CDH18: variants seen among roughly 807,000 people sequenced by gnomAD.
CDH18 encodes the protein cadherin-18.
A neutral mutation model predicts 67.9 loss-of-function variants in CDH18; 31 were observed. That is an observed-to-expected ratio of 0.46 (90% confidence interval 0.34 to 0.62). CDH18 has a LOEUF of 0.62. Among genes scored for constraint, CDH18 ranks in the 20% least tolerant of loss-of-function variants. The pLI is 0.01. For synonymous variants in CDH18, 362 were observed against 347.2 expected, an observed-to-expected ratio of 1.04 and a Z score of -0.48; for missense variants, 890 against 975.5, an observed-to-expected ratio of 0.91 and a Z score of 1.17.
intron 2 of CDH18, among the ~76,000 whole-genome samples, chr5:20,238,296 C>T (rs902940095): frequency 2.6e-5 from 4 of 151,822 alleles, no homozygotes; most frequent in African/African-American, 7.3e-5. Flanking sequence ...TCAAACAGCA[C>T]GTGATAAACT....
At chr5:20,281,936 G>T (rs1365416177) in intron 1 of CDH18, among the ~76,000 whole-genome samples, 1 of 152,080 alleles carries the variant, frequency 6.6e-6, no homozygotes, top group Non-Finnish European at 1.5e-5. Flanking sequence ...TGCATCCCTT[G>T]TAAGTTGGAT....
At position 19,571,839 on chromosome 5, in the gene CDH18, G is replaced by T; in HGVS notation, c.1000-7C>A. ...TTTTCTCATAGTTCAGTGGCTGTGG[G>T]GAAAAAAAATAAGATTATGACTTTT... On this transcript the variant is annotated splice_polypyrimidine_tract_variant and splice_region_variant and intron_variant, in intron 7 of 12. Transcript: ENST00000382275. 1 of 1,588,236 alleles carries T rather than the reference G, an allele frequency of 6.3e-7. No homozygotes were observed. The highest frequency in any genetic ancestry group is 1.8e-5 in the Admixed American group (1 of 56,798).
intron 1 of CDH18, among the ~76,000 whole-genome samples, chr5:19,981,524 G>A (rs1488190714): frequency 6.6e-6 from 1 of 152,130 alleles, no homozygotes; most frequent in African/African-American, 2.4e-5. Flanking sequence ...TTCATGTTGT[G>A]GCAAGAGGAA....
intron 9 of CDH18, among the ~76,000 whole-genome samples, chr5:19,540,405 G>A (rs1018608155): frequency 1.3e-5 from 2 of 151,988 alleles, no homozygotes; most frequent in African/African-American, 4.8e-5. Flanking sequence ...ACCATTCTGG[G>A]GTCTGGAGGA....
Position 19,859,411 on chromosome 5 carries a change from C to A in CDH18, c.-256-20169G>T, listed in dbSNP as rs79384590. ...AAGTATTTCACCCCCAAATATATTTCTATGACATATTCTGAAATAACCCTG... is the reference window on the plus strand; with the variant it reads ...AAGTATTTCACCCCCAAATATATTTATATGACATATTCTGAAATAACCCTG... On this transcript the variant is annotated intron_variant, in intron 2 of 12. Transcript: ENST00000382275. Among the ~76,000 whole-genome samples, 33 of 152,226 alleles carry A rather than the reference C, an allele frequency of 2.2e-4. No homozygotes were observed. In the East Asian group the frequency reaches 5.4e-3, roughly 25 times the overall value.
chr5:20,263,507 A>T (rs944892209), intron 1 of CDH18, among the ~76,000 whole-genome samples: 1 of 152,162 alleles, frequency 6.6e-6, no homozygotes, highest in Non-Finnish European at 1.5e-5. Flanking sequence ...TCCTGATGAG[A>T]TTATTGATAT....
intron 2 of CDH18, among the ~76,000 whole-genome samples, chr5:20,094,729 T>C (rs1479904226): frequency 6.6e-6 from 1 of 152,128 alleles, no homozygotes; most frequent in Non-Finnish European, 1.5e-5. Flanking sequence ...GTAGCAATTG[T>C]GAATGAAGAC....
chr5:19,735,439 C>T (rs1258484924), intron 4 of CDH18, among the ~76,000 whole-genome samples: 3 of 149,228 alleles, frequency 2.0e-5, no homozygotes, highest in South Asian at 4.2e-4. Context: ...CTCTGTCGCC[C>T]AGGCTGGAAT....
chr5:20,405,645 C>T (rs929567609), intron 1 of CDH18, among the ~76,000 whole-genome samples: 4 of 152,070 alleles, frequency 2.6e-5, no homozygotes, highest in East Asian at 1.9e-4. Context: ...TCAGAGTGAA[C>T]AGGCAACCTA....
chr5:19,615,548 T>TC (rs1749689321), intron 5 of CDH18, among the ~76,000 whole-genome samples: 1 of 152,130 alleles, frequency 6.6e-6, no homozygotes, highest in Non-Finnish European at 1.5e-5. Flanking sequence ...CATTGACACA[T>TC]CATTACTCTC....
intron 2 of CDH18, among the ~76,000 whole-genome samples, chr5:20,117,082 C>T (rs895775601): frequency 5.9e-5 from 9 of 151,640 alleles, no homozygotes; most frequent in African/African-American, 2.2e-4. Flanking sequence ...TAGCATGGTA[C>T]CATTGAAGAG....
intron 2 of CDH18, among the ~76,000 whole-genome samples, chr5:19,967,764 C>T (rs1335715347): frequency 1.3e-5 from 2 of 152,166 alleles, no homozygotes; most frequent in South Asian, 2.1e-4. Context: ...GGAAGCATTC[C>T]TTTTGAAAAC....
At chr5:19,779,111 T>C (rs1026519192) in intron 3 of CDH18, among the ~76,000 whole-genome samples, 4 of 152,114 alleles carry the variant, frequency 2.6e-5, no homozygotes, top group African/African-American at 9.7e-5. Flanking sequence ...ATACATGAGG[T>C]AGATACTATG....
At chr5:20,220,570 A>G (rs1462357304) in intron 2 of CDH18, among the ~76,000 whole-genome samples, 1 of 152,020 alleles carries the variant, frequency 6.6e-6, no homozygotes, top group African/African-American at 2.4e-5. Context: ...CTGGGCAAAA[A>G]TTTCTTGGGT....
intron 3 of CDH18, among the ~76,000 whole-genome samples, chr5:19,775,396 A>AGGAATCTGCTTCTGTGGATGC (rs1774241286): frequency 6.6e-6 from 1 of 152,196 alleles, no homozygotes; most frequent in Non-Finnish European, 1.5e-5. Flanking sequence ...GGAAGCATAG[A>AGGAATCTGCTTCTGTGGATGC]GGAATCTGCT....
Position 20,339,881 on chromosome 5 carries a change from G to A in CDH18, c.-579-84376C>T, listed in dbSNP as rs572387613. The stretch of plus-strand genomic sequence containing the variant: ...AAACCCTGACTGCTGCTGAAAAATA[G>A]GCAGCCCTGCAAGCAGCAGAGAAAT... On this transcript the variant is annotated intron_variant, in intron 1 of 14. Transcript: ENST00000507958. Among the ~76,000 whole-genome samples the A allele has an allele frequency of 3.2e-4, 48 of 152,234 alleles. 1 individual carries two copies. Among genetic ancestry groups the A allele is most frequent in the African/African-American group, 1.1e-3 (45 of 41,528 alleles).
At chr5:20,089,739 T>A (rs961813105) in intron 2 of CDH18, among the ~76,000 whole-genome samples, 3 of 152,168 alleles carry the variant, frequency 2.0e-5, no homozygotes, top group Admixed American at 6.6e-5. Context: ...CCCTAGAGCA[T>A]AAAGTGGCCA....
intron 5 of CDH18, among the ~76,000 whole-genome samples, chr5:19,701,427 G>C (rs1004806477): frequency 1.2e-4 from 18 of 152,068 alleles, no homozygotes; most frequent in African/African-American, 4.3e-4. Context: ...CAAAGAGTGA[G>C]GGAGATGAGA....
chr5:20,074,353 T>C (rs1425008122), intron 2 of CDH18, among the ~76,000 whole-genome samples: 2 of 152,148 alleles, frequency 1.3e-5, no homozygotes, highest in African/African-American at 2.4e-5. Flanking sequence ...ATGGCACTTA[T>C]ACACAATATA....
Sources: allele counts gnomAD v4.1 joint callset (sites outside exome capture counted in the v4.1 genomes callset), GRCh38; gene constraint gnomAD v4.1.1; transcripts MANE v1.5; gene names NCBI Gene and HGNC (gene_info 2026-07-23, HGNC 2026-07-21).